ATP6V1B2: variants seen among roughly 807,000 people sequenced by gnomAD.
ATP6V1B2 encodes ATPase H+ transporting V1 subunit B2, also known as V-type proton ATPase subunit B, brain isoform.
ATP6V1B2 carries 23 observed loss-of-function variants against 66.7 expected under a neutral mutation model. The ratio of observed to expected loss-of-function variants is 0.34; its 90% CI spans 0.25 to 0.49. The LOEUF (loss-of-function observed/expected upper bound fraction) is 0.49. Ranked by LOEUF, ATP6V1B2 falls within the 20% of genes least tolerant of loss-of-function variation. The pLI is 0.99. For missense variants in ATP6V1B2, 478 were observed against 650.8 expected, an observed-to-expected ratio of 0.73 and a Z score of 2.89; for synonymous variants, 278 against 236.7, an observed-to-expected ratio of 1.17 and a Z score of -1.60.
At chr8:20,201,570 T>A (rs1238113098) in intron 1 of ATP6V1B2, among the ~76,000 whole-genome samples, 1 of 152,184 alleles carries the variant, frequency 6.6e-6, no homozygotes, top group East Asian at 1.9e-4. Flanking sequence ...CCATACTTTT[T>A]AATTGTACTG....
Position 20,210,352 on chromosome 8 carries a change from G to A in ATP6V1B2, c.298G>A (p.Glu100Lys). ...TAATTCTTTTTCTTGATAGGTATTT[G>A]AAGGGACTTCAGGTATAGATGCTAA... Reference protein sequence around the residue: ...SGSKAVVQVFEGTSGIDAKKT... With the variant: ...SGSKAVVQVFKGTSGIDAKKT... Residue 100 changes from glutamate to lysine, a missense_variant, in exon 4 of 14, where the codon GAA (glutamate) becomes AAA (lysine). By Grantham distance (56) the Glu-to-Lys change is moderately conservative (BLOSUM62 1). Transcript: ENST00000276390. 1 of 1,611,812 alleles carries A rather than the reference G, an allele frequency of 6.2e-7. No homozygotes were observed. The highest frequency in any genetic ancestry group is 8.5e-7 in the Non-Finnish European group (1 of 1,178,778).
intron 6 of ATP6V1B2, 116 bp from the exon 7 acceptor site, chr8:20,211,536 C>T (rs558294549): frequency 7.7e-7 from 1 of 1,299,026 alleles, no homozygotes; most frequent in East Asian, 2.5e-5. Flanking sequence ...AATGAATACC[C>T]TAAAACATCC....
Position 20,212,344 on chromosome 8 carries a change from G to T in ATP6V1B2, c.803+145G>T, listed in dbSNP as rs1302183601. The stretch of plus-strand genomic sequence containing the variant: ...ATTTAAAGTCCAGCCCTGCTTCTTG[G>T]TAGTTATCTGGCACTGGGCAAATTA... On this transcript the variant is annotated intron_variant, in intron 8 of 13. Coordinates refer to ENST00000276390, the MANE Select transcript of ATP6V1B2 (RefSeq NM_001693.4). 3.8e-5 allele frequency: 28 copies of T among 745,562 alleles called. No individual in the cohort carries two copies. The East Asian group carries it at 7.3e-4, about 20-fold the overall frequency. The allele number at this position is 745,562 out of a possible 1,614,324, so 46.2% of individuals were successfully genotyped here.
chr8:20,206,872 A>C (rs1277990834), intron 2 of ATP6V1B2, among the ~76,000 whole-genome samples: 1 of 152,154 alleles, frequency 6.6e-6, no homozygotes, highest in Non-Finnish European at 1.5e-5. Context: ...TTCTGCTAAA[A>C]ACTTACCCAG....
At chr8:20,205,611 T>G (rs1026465450) in intron 2 of ATP6V1B2, among the ~76,000 whole-genome samples, 1 of 152,200 alleles carries the variant, frequency 6.6e-6, no homozygotes, top group African/African-American at 2.4e-5. Flanking sequence ...AAAAATCTAT[T>G]TAGACTATGA....
chr8:20,216,823 A>C (rs1158494514), intron 11 of ATP6V1B2: 1 of 265,832 alleles, frequency 3.8e-6, no homozygotes, highest in Non-Finnish European at 7.2e-6. Flanking sequence ...ATGCCTCTCT[A>C]GTAGATGCTG....
chr8:20,209,645 G>A, intron 3 of ATP6V1B2, 114 bp downstream of exon 3: 2 of 989,634 alleles, frequency 2.0e-6, no homozygotes, highest in Non-Finnish European at 3.0e-6. Context: ...TTTAGAGATT[G>A]GTTACCGGCT....
intron 2 of ATP6V1B2, 104 bp downstream of exon 2, chr8:20,204,643 T>A: frequency 1.1e-6 from 1 of 940,250 alleles, no homozygotes; most frequent in East Asian, 2.7e-5. Flanking sequence ...AGCCATACTT[T>A]AGACTGGGTG....
chr8:20,211,371 G>T (rs1260973455), intron 6 of ATP6V1B2, 55 bp downstream of exon 6: 11 of 1,582,254 alleles, frequency 7.0e-6, no homozygotes, highest in Non-Finnish European at 9.4e-6. Flanking sequence ...TTTCTATAAT[G>T]CATCACTGTT....
At chr8:20,203,976 A>G (rs1284451729) in intron 1 of ATP6V1B2, 5 of 455,668 alleles carry the variant, frequency 1.1e-5, no homozygotes, top group African/African-American at 4.0e-5. Flanking sequence ...AATTTCTCCA[A>G]TTTCCTTTGT....
At chr8:20,211,525 G>C (rs2072792973) in intron 6 of ATP6V1B2, 127 bp from the exon 7 acceptor site, 12 of 1,265,412 alleles carry the variant, frequency 9.5e-6, no homozygotes, top group Non-Finnish European at 1.3e-5. Context: ...TAGTTTTGTT[G>C]AATGAATACC....
Position 20,214,930 on chromosome 8 carries a change from C to T in ATP6V1B2, c.1040C>T (p.Ser347Leu). 6.2e-7 allele frequency: 1 copy of T among 1,613,448 alleles called. No homozygotes were observed. Among genetic ancestry groups the T allele is most frequent in the Non-Finnish European group, 8.5e-7 (1 of 1,179,626 alleles). The change falls in exon 10 of 14, where the codon TCG (serine) becomes TTG (leucine). Residue 347 changes from serine (S) to leucine (L), a missense_variant. Ser to Leu is a moderately radical substitution (Grantham distance 145). Around this residue, in one of 2 missense-constraint regions of ATP6V1B2, gnomAD observed 326 missense variants for 545.6 expected, o/e 0.60. Transcript: ENST00000276390. ...GGGCGAGTGGAAGGGAGAAACGGCTCGATTACTCAAATCCCTATTCTAACC... is the reference window on the plus strand; with the variant it reads ...GGGCGAGTGGAAGGGAGAAACGGCTTGATTACTCAAATCCCTATTCTAACC... ...RAGRVEGRNG[S>L]ITQIPILTMP...
intron 10 of ATP6V1B2, chr8:20,215,858 A>G (rs141535655): frequency 6.6e-6 from 1 of 152,496 alleles, no homozygotes; most frequent in East Asian, 1.9e-4. Context: ...ACTTGTCTAT[A>G]TGCCTGCGTT....
At chr8:20,197,941 C>A (rs1334689339) in intron 1 of ATP6V1B2, among the ~76,000 whole-genome samples, 2 of 152,224 alleles carry the variant, frequency 1.3e-5, no homozygotes, top group Non-Finnish European at 2.9e-5. Context: ...CTTCTCCCCT[C>A]CCCCTGGTGA....
chr8:20,220,402 G>A lies in ATP6V1B2; in HGVS notation c.1536G>A (p.Ter512=), dbSNP rs1174968187. Residue 512 remains the stop codon, a stop_retained_variant, in exon 14 of 14, where the codon TAG becomes TAA. Transcript: ENST00000276390. The stretch of plus-strand genomic sequence containing the variant: ...ACCCTCGAGACTCTGCAAAGCATTA[G>A]CTGCTGCTTCTGCATTGCTCCGCGC... The part of the protein sequence containing the change: ...EFYPRDSAKH[*] The A allele has an allele frequency of 6.4e-7, 1 of 1,567,358 alleles. No homozygotes were observed. The highest frequency in any genetic ancestry group is 1.2e-5 in the South Asian group (1 of 82,960).
intron 10 of ATP6V1B2, chr8:20,215,205 C>T: frequency 2.7e-6 from 1 of 368,720 alleles, no homozygotes; most frequent in Non-Finnish European, 4.8e-6. Flanking sequence ...CTATTGAGTG[C>T]CTGCTGTTTG....
intron 3 of ATP6V1B2, among the ~76,000 whole-genome samples, chr8:20,209,853 A>G (rs1364018756): frequency 6.6e-6 from 1 of 152,082 alleles, no homozygotes; most frequent in East Asian, 1.9e-4. Context: ...ATTATCTCAT[A>G]CATTTCCTAG....
At chr8:20,213,097 T>C in intron 9 of ATP6V1B2, 192 bp downstream of exon 9, 1 of 639,848 alleles carries the variant, frequency 1.6e-6, no homozygotes, top group Non-Finnish European at 2.6e-6. Flanking sequence ...GAGGTTAAGA[T>C]TTAAATGGTT....
rs766788781 is a variant in ATP6V1B2 at position 20,211,714 on chromosome 8, C to T, written c.666C>T (p.Tyr222=). 6 of 1,612,218 alleles carry T rather than the reference C, an allele frequency of 3.7e-6. No homozygotes were observed. The South Asian group carries it at 6.6e-5, about 18-fold the overall frequency. ...LVKKSKDVVD[Y]SEENFAIVFA... ...AGAAATCCAAAGATGTAGTAGACTA[C>T]AGTGAGGAAAATTTTGCAATTGTAT... Residue 222 remains tyrosine, a synonymous_variant, in exon 7 of 14, where the codon TAC becomes TAT. Coordinates refer to ENST00000276390, the MANE Select transcript of ATP6V1B2 (RefSeq NM_001693.4).
Sources: allele counts gnomAD v4.1 joint callset (sites outside exome capture counted in the v4.1 genomes callset), GRCh38; gene constraint gnomAD v4.1.1; regional missense constraint gnomAD v4.1.1; transcripts MANE v1.5; gene names NCBI Gene and HGNC (gene_info 2026-07-23, HGNC 2026-07-21).